Variants in GYPC observed in about 807,000 individuals in gnomAD.
GYPC encodes glycophorin-C.
In GYPC, 14 loss-of-function variants were observed where a neutral mutation model predicts 12.6. The observed-to-expected ratio is 1.11, with a 90% CI of 0.74 to 1.74. The LOEUF is 1.74. GYPC is among the 40% of genes most tolerant of loss of function. The pLI, the probability that GYPC is intolerant of heterozygous loss-of-function variation, is 0.00. For missense variants in GYPC, 225 were observed against 172.1 expected, an observed-to-expected ratio of 1.31 and a Z score of -1.72; for synonymous variants, 78 against 62.1, an observed-to-expected ratio of 1.26 and a Z score of -1.20.
At chr2:126,689,328 C>G (rs185962954) in intron 1 of GYPC, among the ~76,000 whole-genome samples, 112 of 152,310 alleles carry the variant, frequency 7.4e-4, no homozygotes, top group Admixed American at 2.0e-3. Flanking sequence ...CCTTGGTGTT[C>G]TTCCTGTGAG....
intron 1 of GYPC, among the ~76,000 whole-genome samples, chr2:126,685,266 A>G (rs892037148): frequency 3.3e-5 from 5 of 152,206 alleles, no homozygotes; most frequent in Non-Finnish European, 4.4e-5. Flanking sequence ...GCTGAGAAGC[A>G]CTTACCATGT....
intron 1 of GYPC, among the ~76,000 whole-genome samples, chr2:126,670,932 A>C (rs1239818312): frequency 6.6e-6 from 1 of 152,122 alleles, no homozygotes; most frequent in South Asian, 2.1e-4. Context: ...GGTGGCCCCC[A>C]AGCCTAAACT....
At chr2:126,671,970 C>T (rs1682867216) in intron 1 of GYPC, among the ~76,000 whole-genome samples, 1 of 152,082 alleles carries the variant, frequency 6.6e-6, no homozygotes, top group Non-Finnish European at 1.5e-5. Flanking sequence ...GACATGGGGC[C>T]ATCTGAGAGA....
At chr2:126,695,767 A>G (rs1424127592) in intron 3 of GYPC, among the ~76,000 whole-genome samples, 179 bp from the exon 4 acceptor site, 2 of 152,236 alleles carry the variant, frequency 1.3e-5, no homozygotes, top group African/African-American at 4.8e-5. Context: ...TTTTTCATTT[A>G]CAGTATTTTT....
intron 1 of GYPC, among the ~76,000 whole-genome samples, chr2:126,689,260 C>G (rs1250552633): frequency 6.6e-6 from 1 of 152,050 alleles, no homozygotes; most frequent in South Asian, 2.1e-4. Context: ...GAGCACTGGC[C>G]AAGTCCTGAC....
In GYPC at chr2:126,690,196, T is replaced by G. The variant is rs28387203; in HGVS notation, c.50-59T>G. 72 of 1,263,724 alleles carry G rather than the reference T, an allele frequency of 5.7e-5. No homozygotes were observed. The African/African-American group carries it at 9.4e-4, about 16-fold the overall frequency. 78.3% of individuals were successfully genotyped at this position (1,263,724 alleles called of 1,614,324 possible). ...GCAAAGGATGCAGCTTGGGCCAAGG[T>G]GCTGCTAGGCATGGAGAGTCTTCCT... On this transcript the variant is annotated intron_variant, in intron 1 of 3. Coordinates refer to ENST00000259254, the MANE Select transcript of GYPC (RefSeq NM_002101.5).
chr2:126,667,794 A>C (rs1451898845), intron 1 of GYPC, among the ~76,000 whole-genome samples: 1 of 152,156 alleles, frequency 6.6e-6, no homozygotes, highest in Non-Finnish European at 1.5e-5. Flanking sequence ...ATCCACTTAT[A>C]GTGAATACAG....
At chr2:126,668,693 C>T (rs1421073112) in intron 1 of GYPC, among the ~76,000 whole-genome samples, 7 of 152,278 alleles carry the variant, frequency 4.6e-5, no homozygotes, top group East Asian at 3.9e-4. Context: ...GCAATTCATC[C>T]GCAAGCAATT....
intron 1 of GYPC, among the ~76,000 whole-genome samples, chr2:126,677,506 A>AGTGTGTGTGTCTGT (rs748891349): frequency 2.9e-5 from 4 of 136,726 alleles, no homozygotes; most frequent in African/African-American, 1.1e-4. Context: ...TGTGTATGAG[A>AGTGTGTGTGTCTGT]GTGTGTGTGA....
intron 1 of GYPC, among the ~76,000 whole-genome samples, chr2:126,682,795 T>A (rs762664274): frequency 2.6e-5 from 4 of 152,208 alleles, no homozygotes; most frequent in Non-Finnish European, 5.9e-5. Flanking sequence ...TTCAGTTGCC[T>A]GCTGACCCCA....
At chr2:126,663,244 G>A (rs1042844486) in intron 1 of GYPC, among the ~76,000 whole-genome samples, 2 of 151,988 alleles carry the variant, frequency 1.3e-5, no homozygotes, top group African/African-American at 2.4e-5. Flanking sequence ...CACCTTGTTG[G>A]CCAGGATTGT....
chr2:126,681,778 CAAA>C (rs55636033), intron 1 of GYPC, among the ~76,000 whole-genome samples: 35 of 132,300 alleles, frequency 2.6e-4, no homozygotes, highest in Non-Finnish European at 3.1e-4. Context: ...AAACTTCATC[CAAA>C]AAAAAAAAAA....
At chr2:126,660,438 C>T (rs567064677) in intron 1 of GYPC, among the ~76,000 whole-genome samples, 5 of 152,334 alleles carry the variant, frequency 3.3e-5, no homozygotes, top group South Asian at 2.1e-4. Context: ...CTCAACACGC[C>T]GCGGGCCTGG....
intron 1 of GYPC, among the ~76,000 whole-genome samples, chr2:126,657,441 G>C (rs979610424): frequency 1.3e-5 from 2 of 152,232 alleles, no homozygotes; most frequent in Admixed American, 6.5e-5. Flanking sequence ...ATAATAACAG[G>C]AGATAACTCA....
chr2:126,685,568 A>G (rs1158198137), intron 1 of GYPC, among the ~76,000 whole-genome samples: 1 of 152,152 alleles, frequency 6.6e-6, no homozygotes, highest in Admixed American at 6.5e-5. Context: ...TATTTTTAGT[A>G]GAGATGGAAT....
In GYPC at chr2:126,688,124, G is replaced by T. The variant is rs1161814740; in HGVS notation, c.50-2131G>T. ...AGGTCTGAGTTAAAATACATTAAATGTTGAGAGCAGCACCTGGCATTTAGT... is the reference window on the plus strand; with the variant it reads ...AGGTCTGAGTTAAAATACATTAAATTTTGAGAGCAGCACCTGGCATTTAGT... On this transcript the variant is annotated intron_variant, in intron 1 of 3. Transcript: ENST00000259254. Among the ~76,000 whole-genome samples, 5 of 152,210 alleles carry T rather than the reference G, an allele frequency of 3.3e-5. No homozygotes were observed. In the South Asian group the frequency reaches 6.2e-4, roughly 19 times the overall value.
chr2:126,664,861 A>G (rs923525604), intron 1 of GYPC, among the ~76,000 whole-genome samples: 17 of 152,168 alleles, frequency 1.1e-4, no homozygotes, highest in African/African-American at 4.1e-4. Flanking sequence ...GGGCATCTGC[A>G]GGGGCAGCCT....
In GYPC at chr2:126,656,462, C is replaced by G. The variant is rs941285675; in HGVS notation, c.49+150C>G. On this transcript the variant is annotated intron_variant, in intron 1 of 3. Coordinates refer to ENST00000259254, the MANE Select transcript of GYPC (RefSeq NM_002101.5). ...GGAGGCGTCCGCTGGGCTCAGATCC[C>G]CGACTCCAGCCCCGGTTCCCCGGCG... The G allele has an allele frequency of 6.3e-5, 41 of 647,208 alleles. No individual in the cohort carries two copies. In the African/African-American group the frequency reaches 6.8e-4, roughly 11 times the overall value. The allele number at this position is 647,208 out of a possible 1,614,324, so 40.1% of individuals were successfully genotyped here. A position where few individuals can be genotyped will look rare whatever the true frequency, so the allele number is the denominator to read the frequency against.
At chr2:126,690,779 T>C (rs1205692516) in intron 2 of GYPC, among the ~76,000 whole-genome samples, 2 of 152,098 alleles carry the variant, frequency 1.3e-5, no homozygotes, top group East Asian at 3.9e-4. Flanking sequence ...TGAGCCTGCC[T>C]TTGCCTTGCT....
Sources: gnomAD v4.1 joint callset for allele counts (sites outside exome capture counted in the v4.1 genomes callset) on GRCh38, gnomAD v4.1.1 for gene constraint, MANE v1.5 for transcripts, NCBI Gene and HGNC (gene_info 2026-07-23, HGNC 2026-07-21) for gene names.